The following BRINP1 variants were observed in gnomAD, a reference collection of about 807,000 sequenced individuals.
The protein encoded by BRINP1 is BMP/retinoic acid-inducible neural-specific protein 1.
A neutral mutation model predicts 72.9 loss-of-function variants in BRINP1; 17 were observed. The ratio of observed to expected loss-of-function variants is 0.23; its 90% confidence interval spans 0.16 to 0.35. The LOEUF (loss-of-function observed/expected upper bound fraction) is 0.35, where lower values mean the gene tolerates loss of function less well. Ranked by LOEUF, BRINP1 falls within the 10% of genes least tolerant of loss-of-function variation. The probability of loss-of-function intolerance (pLI) is 1.00; values close to 1 mark genes in which losing one functional copy is unlikely to be tolerated. For synonymous variants in BRINP1, 418 were observed against 378.5 expected, an observed-to-expected ratio of 1.10 and a Z score of -1.21; for missense variants, 850 against 1,001.6, an observed-to-expected ratio of 0.85 and a Z score of 2.04.
intron 2 of BRINP1, among the ~76,000 whole-genome samples, chr9:119,304,169 T>G (rs150507200): frequency 6.6e-6 from 1 of 152,136 alleles, no homozygotes; most frequent in African/African-American, 2.4e-5. Context: ...TATGAGCCAC[T>G]GCGCCCGGCT....
Position 119,328,898 on chromosome 9 carries a change from A to C in BRINP1, c.-50-15493T>G, listed in dbSNP as rs147167619. On this transcript the variant is annotated intron_variant, in intron 1 of 7. Coordinates refer to ENST00000265922, the MANE Select transcript of BRINP1 (RefSeq NM_014618.3). ...CAAAAACAAACAAACAAAAAAACCC[A>C]AGAGAAAGTTTTCCAGGTCATGAGA... is the stretch of plus-strand genomic sequence containing the variant. 1.2e-4 allele frequency among the ~76,000 whole-genome samples: 19 copies of C among 152,304 alleles called. No homozygotes were observed. The East Asian group carries it at 3.7e-3, about 29-fold the overall frequency.
chr9:119,268,817 T>C (rs560703205), intron 2 of BRINP1, among the ~76,000 whole-genome samples: 8 of 152,336 alleles, frequency 5.3e-5, no homozygotes. Context: ...TAAATATTTG[T>C]TGAGCACATA....
chr9:119,177,154 TGTTA>T (rs957537530), intron 7 of BRINP1, among the ~76,000 whole-genome samples: 3 of 152,206 alleles, frequency 2.0e-5, no homozygotes, highest in African/African-American at 7.2e-5. Context: ...ATATTTTTCT[TGTTA>T]GTTTTCATTT....
chr9:119,178,697 T>C (rs1353277079), intron 7 of BRINP1, among the ~76,000 whole-genome samples: 1 of 152,124 alleles, frequency 6.6e-6, no homozygotes, highest in Middle Eastern at 3.2e-3. Context: ...ACCACCTCCA[T>C]GTTACAGGCA....
intron 5 of BRINP1, among the ~76,000 whole-genome samples, chr9:119,216,461 G>A (rs144847701): frequency 2.0e-5 from 3 of 152,318 alleles, no homozygotes; most frequent in East Asian, 3.9e-4. Context: ...ATACCAAAAC[G>A]TGAGGTAAAA....
intron 7 of BRINP1, among the ~76,000 whole-genome samples, chr9:119,175,122 A>C (rs867383924): frequency 6.7e-6 from 1 of 150,150 alleles, no homozygotes; most frequent in East Asian, 1.9e-4. Flanking sequence ...TAAAGTATAA[A>C]AAAAAAAAAA....
intron 7 of BRINP1, among the ~76,000 whole-genome samples, chr9:119,181,714 C>T (rs16908103): frequency 0.025 from 3,751 of 152,138 alleles, 73 homozygotes; most frequent in African/African-American, 0.058. Flanking sequence ...ATTGGTTATT[C>T]AGTCTCCACA....
intron 7 of BRINP1, among the ~76,000 whole-genome samples, chr9:119,202,835 A>C (rs1829819326): frequency 6.6e-6 from 1 of 152,158 alleles, no homozygotes; most frequent in Admixed American, 6.6e-5. Context: ...CTCAACAAGC[A>C]CTGGGCGCTG....
chr9:119,235,638 GACTTT>G (rs1830186352), intron 5 of BRINP1, among the ~76,000 whole-genome samples: 1 of 152,020 alleles, frequency 6.6e-6, no homozygotes, highest in East Asian at 1.9e-4. Context: ...TCTTGTTCAC[GACTTT>G]ATTTTTTTTG....
Position 119,174,208 on chromosome 9 carries a change from A to T in BRINP1, c.1146-5984T>A, listed in dbSNP as rs1470314282. Among the ~76,000 whole-genome samples, 3 of 150,066 alleles carry T rather than the reference A, an allele frequency of 2.0e-5. No homozygotes were observed. In the East Asian group the frequency reaches 5.8e-4, roughly 29 times the overall value. On this transcript the variant is annotated intron_variant, in intron 7 of 7. Coordinates refer to ENST00000265922, the MANE Select transcript of BRINP1 (RefSeq NM_014618.3). ...TACAGAATGGGAGAAAATTTTTGCA[A>T]CCTACTCATCTGACAAAGGGCTAAT...
intron 5 of BRINP1, among the ~76,000 whole-genome samples, chr9:119,231,401 T>G (rs1039563892): frequency 1.3e-5 from 2 of 152,084 alleles, no homozygotes; most frequent in African/African-American, 4.8e-5. Context: ...CAGTATCAAT[T>G]TTTCCCTCTC....
chr9:119,226,862 A>G (rs1393416750), intron 5 of BRINP1, among the ~76,000 whole-genome samples: 2 of 152,006 alleles, frequency 1.3e-5, no homozygotes, highest in Non-Finnish European at 2.9e-5. Context: ...AGTAAAAACC[A>G]TGACTATTAT....
chr9:119,238,762 T>C lies in BRINP1; in HGVS notation c.580-2A>G. ...AGGCCCAGTGCGTGTCTCTGTGACC[T>C]GCAGTAGATATCAAATAAGATAGGT... On this transcript the variant is annotated splice_acceptor_variant, in intron 4 of 7. Coordinates refer to ENST00000265922, the MANE Select transcript of BRINP1 (RefSeq NM_014618.3). LOFTEE classifies it high-confidence loss of function. The C allele has an allele frequency of 6.4e-7, 1 of 1,567,996 alleles. No individual in the cohort carries two copies. The highest frequency in any genetic ancestry group is 8.7e-7 in the Non-Finnish European group (1 of 1,143,406).
intron 2 of BRINP1, among the ~76,000 whole-genome samples, chr9:119,287,804 A>AT (rs906848351): frequency 6.6e-6 from 1 of 152,126 alleles, no homozygotes. Context: ...AGATATCTGG[A>AT]TTTTTTTCTT....
At chr9:119,313,480 A>G in intron 1 of BRINP1, 75 bp from the exon 2 acceptor site, 3 of 1,341,844 alleles carry the variant, frequency 2.2e-6, no homozygotes, top group South Asian at 1.6e-5. Context: ...GAAGAGGAGT[A>G]AAAGAAAAAG....
At chr9:119,326,706 A>G (rs1831245088) in intron 1 of BRINP1, among the ~76,000 whole-genome samples, 1 of 152,202 alleles carries the variant, frequency 6.6e-6, no homozygotes, top group African/African-American at 2.4e-5. Flanking sequence ...GTTTGCTACA[A>G]TTCAATAGAT....
intron 7 of BRINP1, among the ~76,000 whole-genome samples, chr9:119,171,052 A>ACTAGAAAG (rs1343418186): frequency 0.033 from 4,564 of 140,138 alleles, 226 homozygotes; most frequent in African/African-American, 0.13. Flanking sequence ...GACCATCAAG[A>ACTAGAAAG]CTAGAAAGAA....
Position 119,300,710 on chromosome 9 carries a change from T to C in BRINP1, c.218+12428A>G, listed in dbSNP as rs544345691. ...AAAAATAATAAAATCTCTACTCCCT[T>C]TTTCTCACTTCTCAACTCACTACAC... On this transcript the variant is annotated intron_variant, in intron 2 of 7. Coordinates refer to ENST00000265922, the MANE Select transcript of BRINP1 (RefSeq NM_014618.3). Among the ~76,000 whole-genome samples, 3 of 152,240 alleles carry C rather than the reference T, an allele frequency of 2.0e-5. No individual in the cohort carries two copies. In the South Asian group the frequency reaches 6.2e-4, roughly 32 times the overall value.
intron 5 of BRINP1, among the ~76,000 whole-genome samples, chr9:119,219,309 A>G (rs1812893418): frequency 6.6e-6 from 1 of 152,044 alleles, no homozygotes; most frequent in Admixed American, 6.6e-5. Context: ...TTCTTGAAAA[A>G]TCCTCCTTGA....
Sources: allele counts gnomAD v4.1 joint callset (sites outside exome capture counted in the v4.1 genomes callset), GRCh38; gene constraint gnomAD v4.1.1; transcripts MANE v1.5; gene names NCBI Gene and HGNC (gene_info 2026-07-23, HGNC 2026-07-21).